ZNF804B: variants seen among roughly 807,000 people sequenced by gnomAD.
ZNF804B encodes the protein zinc finger 804B.
A neutral mutation model predicts 101.4 loss-of-function variants in ZNF804B; 80 were observed. That is an observed-to-expected ratio of 0.79 (90% CI 0.66 to 0.95). ZNF804B has a LOEUF of 0.95. ZNF804B is among the 40% of genes least tolerant of loss of function. The probability of loss-of-function intolerance (pLI) is 0.00; values close to 1 mark genes in which losing one functional copy is unlikely to be tolerated. For synonymous variants in ZNF804B, 622 were observed against 558.8 expected, an observed-to-expected ratio of 1.11 and a Z score of -1.59; for missense variants, 1,673 against 1,561.9, an observed-to-expected ratio of 1.07 and a Z score of -1.20.
chr7:89,320,589 G>A (rs537552830), intron 2 of ZNF804B, among the ~76,000 whole-genome samples: 4 of 152,114 alleles, frequency 2.6e-5, no homozygotes, highest in Admixed American at 6.6e-5. Context: ...AAGAGAGCAT[G>A]AGGTAGAAAA....
intron 1 of ZNF804B, among the ~76,000 whole-genome samples, chr7:88,992,077 G>T (rs1404204970): frequency 6.6e-6 from 1 of 152,084 alleles, no homozygotes; most frequent in Non-Finnish European, 1.5e-5. Flanking sequence ...TCTGGTTGCA[G>T]ATTAAACCTG....
intron 1 of ZNF804B, among the ~76,000 whole-genome samples, chr7:88,867,497 T>C (rs6465168): frequency 0.29 from 43,833 of 152,100 alleles, 7,801 homozygotes; most frequent in African/African-American, 0.51. Flanking sequence ...TTCATCTGCA[T>C]GCTTCACTAA....
rs12673455 is a variant in ZNF804B at position 88,807,678 on chromosome 7, G to T, written c.108+47594G>T. On this transcript the variant is annotated intron_variant, in intron 1 of 3. Coordinates refer to ENST00000333190, the MANE Select transcript of ZNF804B (RefSeq NM_181646.5). ...ATAAAACTAGAGCACTCCTATGTTG[G>T]TGAGAGCTATACAATACAAAAGGTC... Among the ~76,000 whole-genome samples the T allele has an allele frequency of 8.5e-5, 13 of 152,170 alleles. No homozygotes were observed. In the East Asian group the frequency reaches 1.4e-3, roughly 16 times the overall value.
rs538231817 is a variant in ZNF804B, at chr7:88,848,864, G to A, written c.108+88780G>A. Reference sequence around the variant, plus strand: ...CAAAGAGATTTGGATACTAGTTGTTGGAAGTTTAGATTTCATGCAGTAGGT... The same window carrying A: ...CAAAGAGATTTGGATACTAGTTGTTAGAAGTTTAGATTTCATGCAGTAGGT... On this transcript the variant is annotated intron_variant, in intron 1 of 3. Coordinates refer to ENST00000333190, the MANE Select transcript of ZNF804B (RefSeq NM_181646.5). Among the ~76,000 whole-genome samples the A allele has an allele frequency of 2.7e-3, 414 of 152,150 alleles. 4 individuals are homozygous for A. Among genetic ancestry groups the A allele is most frequent in the Middle Eastern group, 0.017 (5 of 292 alleles).
chr7:88,803,621 G>A, intron 1 of ZNF804B, among the ~76,000 whole-genome samples: 1 of 152,140 alleles, frequency 6.6e-6, no homozygotes, highest in East Asian at 1.9e-4. Context: ...CAGTTACTGG[G>A]AGGACTAACA....
intron 2 of ZNF804B, among the ~76,000 whole-genome samples, chr7:89,260,675 G>A (rs759290415): frequency 3.9e-5 from 6 of 151,914 alleles, no homozygotes; most frequent in East Asian, 3.9e-4. Flanking sequence ...TTCAGTAAAC[G>A]GTAAAACAAG....
chr7:89,081,613 T>C (rs1789699556), intron 1 of ZNF804B, among the ~76,000 whole-genome samples: 1 of 151,740 alleles, frequency 6.6e-6, no homozygotes, highest in Admixed American at 6.6e-5. Context: ...TTAAGCAAAT[T>C]AAATGAAGAC....
intron 1 of ZNF804B, among the ~76,000 whole-genome samples, chr7:89,076,186 A>G (rs564169545): frequency 1.4e-4 from 21 of 152,292 alleles, no homozygotes; most frequent in African/African-American, 5.1e-4. Flanking sequence ...ATGTGAAGAC[A>G]TGGGATTTGG....
At chr7:89,006,145 T>A (rs1367706487) in intron 1 of ZNF804B, among the ~76,000 whole-genome samples, 2 of 152,154 alleles carry the variant, frequency 1.3e-5, no homozygotes, top group East Asian at 3.8e-4. Flanking sequence ...TAAACAGGTC[T>A]CAAAGCAAGG....
intron 1 of ZNF804B, among the ~76,000 whole-genome samples, chr7:88,814,435 T>G (rs1422428262): frequency 2.9e-5 from 4 of 139,648 alleles, no homozygotes; most frequent in Non-Finnish European, 6.4e-5. Context: ...CACTGTCTCT[T>G]ACCTCCCTTC....
At chr7:88,814,872 CACAA>C (rs74565326) in intron 1 of ZNF804B, among the ~76,000 whole-genome samples, 6,121 of 151,724 alleles carry the variant, frequency 0.04, 153 homozygotes, top group Non-Finnish European at 0.052. Context: ...CTTGAAAAAA[CACAA>C]ACAAACATGT....
chr7:88,974,561 CTGTT>C (rs1314997249), intron 1 of ZNF804B, among the ~76,000 whole-genome samples: 4 of 151,056 alleles, frequency 2.6e-5, no homozygotes, highest in African/African-American at 4.8e-5. Context: ...ATGTTATAGT[CTGTT>C]TGAAATCTGA....
chr7:88,920,088 A>G (rs1343353812), intron 1 of ZNF804B, among the ~76,000 whole-genome samples: 1 of 152,038 alleles, frequency 6.6e-6, no homozygotes, highest in African/African-American at 2.4e-5. Flanking sequence ...CAACCACCCC[A>G]TGTCCTGGAA....
intron 1 of ZNF804B, among the ~76,000 whole-genome samples, chr7:89,188,947 AAGATCACTGATGAAGGTGGCTATACCAGG>A (rs1238488002): frequency 6.6e-6 from 1 of 152,178 alleles, no homozygotes; most frequent in African/African-American, 2.4e-5. Context: ...ATATCTAGCT[AAGATCACTGATGAAGGTGGCTATACCAGG>A]CAACCGGTTT....
intron 1 of ZNF804B, among the ~76,000 whole-genome samples, chr7:88,902,613 AT>A (rs1044475356): frequency 6.6e-6 from 1 of 151,952 alleles, no homozygotes; most frequent in Non-Finnish European, 1.5e-5. Flanking sequence ...ATAATGATTA[AT>A]TTTTTTCAGG....
At chr7:89,017,216 T>C (rs1043894155) in intron 1 of ZNF804B, among the ~76,000 whole-genome samples, 1 of 152,222 alleles carries the variant, frequency 6.6e-6, no homozygotes. Context: ...AAGTTGCTTA[T>C]CAGCGTAAGG....
intron 1 of ZNF804B, among the ~76,000 whole-genome samples, chr7:89,075,254 C>T (rs546797494): frequency 9.2e-5 from 14 of 152,258 alleles, no homozygotes; most frequent in East Asian, 3.9e-4. Flanking sequence ...GCATGTCAGA[C>T]GTCTCTACGG....
In ZNF804B at chr7:89,143,350, G is replaced by A. The variant is rs535012985; in HGVS notation, c.109-74805G>A. Reference sequence around the variant, plus strand: ...AACTCCATCCTTTAGGATGGATGGAGTTAGGGAAGTTCTGGGGCTGAATTT... The same window carrying A: ...AACTCCATCCTTTAGGATGGATGGAATTAGGGAAGTTCTGGGGCTGAATTT... On this transcript the variant is annotated intron_variant, in intron 1 of 3. Coordinates refer to ENST00000333190, the MANE Select transcript of ZNF804B (RefSeq NM_181646.5). 1.3e-4 allele frequency among the ~76,000 whole-genome samples: 19 copies of A among 151,918 alleles called. No homozygotes were observed. In the South Asian group the frequency reaches 3.7e-3, roughly 30 times the overall value.
rs1032943402 is a variant in ZNF804B, at chr7:89,277,172, A to G, written c.250-50172A>G. ...CATAAATATAAAATGTTATATATAGATACAAAATTTTACATACACACAGAA... is the reference window on the plus strand; with the variant it reads ...CATAAATATAAAATGTTATATATAGGTACAAAATTTTACATACACACAGAA... On this transcript the variant is annotated intron_variant, in intron 2 of 3. Coordinates refer to ENST00000333190, the MANE Select transcript of ZNF804B (RefSeq NM_181646.5). Among the ~76,000 whole-genome samples the G allele has an allele frequency of 7.4e-5, 11 of 149,238 alleles. No homozygotes were observed. The East Asian group carries it at 2.1e-3, about 29-fold the overall frequency.
Sources: gnomAD v4.1 joint callset for allele counts (sites outside exome capture counted in the v4.1 genomes callset) on GRCh38, gnomAD v4.1.1 for gene constraint, MANE v1.5 for transcripts, NCBI Gene and HGNC (gene_info 2026-07-23, HGNC 2026-07-21) for gene names.